The following KALRN variants were observed in gnomAD, a reference collection of about 807,000 sequenced individuals.
KALRN encodes the protein kalirin RhoGEF kinase, also known as kalirin.
In KALRN, 70 loss-of-function variants were observed where a neutral mutation model predicts 353.7. The ratio of observed to expected loss-of-function variants is 0.20; its 90% CI spans 0.16 to 0.24. The LOEUF (loss-of-function observed/expected upper bound fraction) is 0.24, where lower values mean the gene tolerates loss of function less well. KALRN is among the 10% of genes least tolerant of loss of function. The pLI is 1.00. For synonymous variants in KALRN, 1,391 were observed against 1,434.8 expected, an observed-to-expected ratio of 0.97 and a Z score of 0.69; for missense variants, 2,791 against 3,756.7, an observed-to-expected ratio of 0.74 and a Z score of 6.72.
chr3:124,308,634 A>G (rs1181572347), intron 6 of KALRN, among the ~76,000 whole-genome samples: 1 of 151,966 alleles, frequency 6.6e-6, no homozygotes, highest in Non-Finnish European at 1.5e-5. Context: ...AATTTTTGAC[A>G]CATCATACCA....
chr3:124,195,541 C>A (rs1439692265), intron 1 of KALRN, among the ~76,000 whole-genome samples: 1 of 152,150 alleles, frequency 6.6e-6, no homozygotes, highest in African/African-American at 2.4e-5. Context: ...TTCCCCTCCT[C>A]CTCAAGGGCC....
intron 34 of KALRN, among the ~76,000 whole-genome samples, chr3:124,594,073 A>G (rs1373365420): frequency 1.3e-5 from 2 of 152,252 alleles, no homozygotes; most frequent in African/African-American, 4.8e-5. Context: ...AAAATAGCAT[A>G]ATCCTAACCA....
At chr3:124,575,367 G>T (rs1188835389) in intron 34 of KALRN, among the ~76,000 whole-genome samples, 1 of 152,194 alleles carries the variant, frequency 6.6e-6, no homozygotes, top group Non-Finnish European at 1.5e-5. Context: ...ACCCATCTCA[G>T]TTCAGAATGT....
intron 13 of KALRN, chr3:124,410,077 T>C (rs2092000833): frequency 2.6e-6 from 1 of 391,010 alleles, no homozygotes; most frequent in Non-Finnish European, 5.1e-6. Context: ...GATGAAAGAA[T>C]ATAGAAACAC....
chr3:124,077,181 G>A (rs186409698), intron 1 of KALRN, among the ~76,000 whole-genome samples: 3 of 152,338 alleles, frequency 2.0e-5, no homozygotes, highest in Admixed American at 6.5e-5. Flanking sequence ...CGCTGGGTCA[G>A]GCTGGCCAGA....
At chr3:124,349,925 G>A (rs2082675652) in intron 10 of KALRN, among the ~76,000 whole-genome samples, 1 of 152,196 alleles carries the variant, frequency 6.6e-6, no homozygotes, top group South Asian at 2.1e-4. Flanking sequence ...TGACTGCTGA[G>A]AGTGGAGGTT....
chr3:124,535,528 G>A (rs1428770874), intron 33 of KALRN, among the ~76,000 whole-genome samples: 1 of 152,154 alleles, frequency 6.6e-6, no homozygotes, highest in Non-Finnish European at 1.5e-5. Context: ...TGTCGGCTGA[G>A]CACTCATAAT....
intron 1 of KALRN, among the ~76,000 whole-genome samples, chr3:124,148,845 A>G (rs1405386965): frequency 6.6e-6 from 1 of 152,238 alleles, no homozygotes. Flanking sequence ...CATTCTGGCT[A>G]GCAAGGAAGA....
chr3:124,494,702 T>C (rs1271696552), intron 32 of KALRN, among the ~76,000 whole-genome samples: 3 of 152,244 alleles, frequency 2.0e-5, no homozygotes, highest in Admixed American at 1.3e-4. Context: ...ACATTGTGTG[T>C]ATACATGTGC....
intron 1 of KALRN, among the ~76,000 whole-genome samples, chr3:124,165,633 C>G (rs906805351): frequency 1.3e-5 from 2 of 152,218 alleles, no homozygotes; most frequent in Admixed American, 6.5e-5. Context: ...TAGACTTTCT[C>G]GAGCCCCTCC....
intron 16 of KALRN, among the ~76,000 whole-genome samples, chr3:124,433,227 T>C (rs1394449894): frequency 4.0e-5 from 6 of 150,380 alleles, no homozygotes; most frequent in African/African-American, 1.5e-4. Flanking sequence ...TCAGGGAAAA[T>C]AAAAAAGTTA....
At position 124,246,112 on chromosome 3, in the gene KALRN, C is replaced by T. The variant is rs561010438; in HGVS notation, c.263+11169C>T. Reference sequence around the variant, plus strand: ...TTGGCCATATACCTAGACATGGGATCGCTGGATCATATGGTAGTTTTATTT... The same window carrying T: ...TTGGCCATATACCTAGACATGGGATTGCTGGATCATATGGTAGTTTTATTT... On this transcript the variant is annotated intron_variant, in intron 3 of 59. Transcript: ENST00000682506. Among the ~76,000 whole-genome samples the T allele has an allele frequency of 1.1e-4, 17 of 152,248 alleles. No homozygotes were observed. In the South Asian group the frequency reaches 1.2e-3, roughly 11 times the overall value.
chr3:124,037,760 G>A (rs974577168), intron 1 of KALRN, among the ~76,000 whole-genome samples: 1 of 152,106 alleles, frequency 6.6e-6, no homozygotes. Flanking sequence ...ATAATCTAGT[G>A]ATGGGGGAGA....
chr3:124,659,297 G>T, intron 42 of KALRN, 68 bp from the exon 43 acceptor site: 1 of 1,039,460 alleles, frequency 9.6e-7, no homozygotes, highest in South Asian at 1.3e-5. Flanking sequence ...CCATGCCTTT[G>T]AACCCTTATT....
chr3:124,448,611 A>G (rs1202932613), intron 21 of KALRN, among the ~76,000 whole-genome samples: 1 of 151,974 alleles, frequency 6.6e-6, no homozygotes, highest in African/African-American at 2.4e-5. Context: ...GCTTTTTAAG[A>G]GGAGCCCCTC....
At chr3:124,424,346 A>C (rs934851199) in intron 15 of KALRN, among the ~76,000 whole-genome samples, 7 of 152,180 alleles carry the variant, frequency 4.6e-5, no homozygotes, top group Admixed American at 1.3e-4. Flanking sequence ...AACTTTTGGA[A>C]TTAAGCCTAC....
chr3:124,047,752 C>A (rs1297653917), intron 1 of KALRN, among the ~76,000 whole-genome samples: 1 of 151,802 alleles, frequency 6.6e-6, no homozygotes, highest in Non-Finnish European at 1.5e-5. Context: ...ATCCGCCTGC[C>A]TTGGCCTCCC....
chr3:124,180,757 C>T lies in KALRN; in HGVS notation c.74-47233C>T, dbSNP rs1309845319. Among the ~76,000 whole-genome samples the T allele has an allele frequency of 3.3e-5, 5 of 152,260 alleles. No homozygotes were observed. The South Asian group carries it at 8.3e-4, about 25-fold the overall frequency. ...GCCCTGGCTCTCTTTTCCCACACAG[C>T]CCACTTCTCTCTCTGCTCTCCTTCC... On this transcript the variant is annotated intron_variant, in intron 1 of 59. Transcript: ENST00000682506.
At chr3:124,465,070 G>T (rs1183307327) in intron 25 of KALRN, among the ~76,000 whole-genome samples, 1 of 151,950 alleles carries the variant, frequency 6.6e-6, no homozygotes, top group Non-Finnish European at 1.5e-5. Flanking sequence ...TAAATTAATG[G>T]TTTAATTATC....
Sources: allele counts gnomAD v4.1 joint callset (sites outside exome capture counted in the v4.1 genomes callset), GRCh38; gene constraint gnomAD v4.1.1; transcripts MANE v1.5; gene names NCBI Gene and HGNC (gene_info 2026-07-23, HGNC 2026-07-21).